The following STAB1 variants were observed in gnomAD, a reference collection of about 807,000 sequenced individuals.
STAB1 encodes stabilin 1.
Under a neutral mutation model 332.4 loss-of-function variants are expected in STAB1, and 250 were observed. That is an observed-to-expected ratio of 0.75 (90% CI 0.68 to 0.84). STAB1 has a LOEUF of 0.84. Among genes scored for constraint, STAB1 ranks in the 40% least tolerant of loss-of-function variants. The probability of loss-of-function intolerance (pLI) is 0.00; values close to 1 mark genes in which losing one functional copy is unlikely to be tolerated. For synonymous variants in STAB1, 1,475 were observed against 1,390.4 expected, an observed-to-expected ratio of 1.06 and a Z score of -1.35; for missense variants, 3,249 against 3,489.7, an observed-to-expected ratio of 0.93 and a Z score of 1.74.
Position 52,516,124 on chromosome 3 carries a change from G to A in STAB1, c.4030G>A (p.Gly1344Arg), listed in dbSNP as rs2078853732. 3.1e-6 allele frequency: 5 copies of A among 1,612,078 alleles called. No homozygotes were observed. The highest frequency in any genetic ancestry group is 4.2e-6 in the Non-Finnish European group (5 of 1,179,670). Reference protein sequence around the residue: ...GGLGGVCSGHGQCQDRFLGSG... With the variant: ...GGLGGVCSGHRQCQDRFLGSG... ...TCTAGGGGGGGTGTGCTCAGGCCATGGGCAGTGCCAGGACAGGTTCCTGGG... is the reference window on the plus strand; with the variant it reads ...TCTAGGGGGGGTGTGCTCAGGCCATAGGCAGTGCCAGGACAGGTTCCTGGG... Residue 1344 changes from glycine to arginine, a missense_variant, in exon 38 of 69, where the codon GGG becomes AGG. Physicochemically the swap from Gly to Arg is moderately radical, Grantham distance 125. Coordinates refer to ENST00000321725, the MANE Select transcript of STAB1 (RefSeq NM_015136.3).
chr3:52,505,103 T>C lies in STAB1; in HGVS notation c.1478T>C (p.Leu493Pro). 6.2e-7 allele frequency: 1 copy of C among 1,613,536 alleles called. No homozygotes were observed. The highest frequency in any genetic ancestry group is 8.5e-7 in the Non-Finnish European group (1 of 1,179,988). The change falls in exon 13 of 69, where the codon CTG becomes CCG. Residue 493 changes from leucine (L) to proline (P), a missense_variant. Transcript: ENST00000321725. ...ANGVFHVVTG[L>P]RWQAPSGTPG... ...GGCGTCTTCCACGTGGTCACTGGCC[T>C]GCGGTGGCAGGCCCCCTCTGGGACC...
chr3:52,515,152 C>T, intron 36 of STAB1, 107 bp downstream of exon 36: 1 of 1,411,846 alleles, frequency 7.1e-7, no homozygotes. Context: ...GCCCAGGCAT[C>T]CAGGCTCAGG....
At position 52,522,694 on chromosome 3, in the gene STAB1, TG is replaced by T. The variant is rs764760011; in HGVS notation, c.6744+10del. The T allele has an allele frequency of 6.2e-7, 1 of 1,612,938 alleles. No homozygotes were observed. The highest frequency in any genetic ancestry group is 8.5e-7 in the Non-Finnish European group (1 of 1,180,004). The stretch of plus-strand genomic sequence containing the variant: ...AGCTCTCTGCTGCCCAGCAGGTGTG[TG>T]GGGCCCAGAAGTTGGGGCCAAGTGT... On this transcript the variant is annotated splice_region_variant and intron_variant, in intron 61 of 68. Transcript: ENST00000321725.
chr3:52,511,743 C>A lies in STAB1; in HGVS notation c.2881C>A (p.Leu961Met). Residue 961 changes from leucine (L) to methionine (M), a missense_variant and splice_region_variant, in exon 26 of 69, where the codon CTG (leucine) becomes ATG (methionine). Transcript: ENST00000321725. ...GGCAGGCAATGGCGGCTGCCACGGC[C>A]TGGTAAGGGGGTGCAAGGCTCAGAG... ...CRAGNGGCHGLATCRAVGGGQ... is the reference protein window; with the variant it reads ...CRAGNGGCHGMATCRAVGGGQ... The A allele has an allele frequency of 1.3e-6, 2 of 1,584,754 alleles. No homozygotes were observed. The highest frequency in any genetic ancestry group is 1.1e-5 in the South Asian group (1 of 87,554).
At position 52,504,731 on chromosome 3, in the gene STAB1, G is replaced by A. The variant is rs573780905; in HGVS notation, c.1240-8G>A. On this transcript the variant is annotated splice_polypyrimidine_tract_variant and splice_region_variant and intron_variant, in intron 11 of 68. Coordinates refer to ENST00000321725, the MANE Select transcript of STAB1 (RefSeq NM_015136.3). The stretch of plus-strand genomic sequence containing the variant: ...CGGCTCACTTTGCTCCCCGCCTTGC[G>A]TCTGCAGGCATCCCTTGCCCAGCAG... The A allele has an allele frequency of 3.5e-5, 57 of 1,613,550 alleles. No individual in the cohort carries two copies. The highest frequency in any genetic ancestry group is 5.5e-5 in the South Asian group (5 of 91,090).
chr3:52,501,634 C>A lies in STAB1; in HGVS notation c.216-4C>A. On this transcript the variant is annotated splice_region_variant and splice_polypyrimidine_tract_variant and intron_variant, in intron 2 of 68. Coordinates refer to ENST00000321725, the MANE Select transcript of STAB1 (RefSeq NM_015136.3). ...CCATCACCCTGCCCACCCTCTGCCC[C>A]CAGCTACGAAGTACAGCTGGGGGGC... The A allele has an allele frequency of 6.4e-7, 1 of 1,554,076 alleles. No homozygotes were observed. Among genetic ancestry groups the A allele is most frequent in the Non-Finnish European group, 8.7e-7 (1 of 1,149,164 alleles).
chr3:52,523,389 C>T, intron 64 of STAB1, 38 bp from the exon 65 acceptor site: 1 of 1,609,338 alleles, frequency 6.2e-7, no homozygotes, highest in Non-Finnish European at 8.5e-7. Context: ...TGGCCATCTC[C>T]ATCTGGCCCA....
intron 13 of STAB1, 49 bp from the exon 14 acceptor site, chr3:52,505,270 A>G (rs758090834): frequency 7.5e-6 from 12 of 1,610,238 alleles, no homozygotes; most frequent in African/African-American, 2.7e-5. Flanking sequence ...GCTGGGCTGA[A>G]GCAGCCTCAC....
In STAB1 at chr3:52,514,220, C is replaced by G. The variant is rs749098681; in HGVS notation, c.3546+7C>G. 4 of 1,612,716 alleles carry G rather than the reference C, an allele frequency of 2.5e-6. No homozygotes were observed. Among genetic ancestry groups the G allele is most frequent in the African/African-American group, 1.3e-5 (1 of 74,904 alleles). ...GGGCAACAGCAGTCACCTGGTGAGG[C>G]CGTGGGGATGGGGCAATGGCAGGGA... On this transcript the variant is annotated splice_region_variant and intron_variant, in intron 33 of 68. Transcript: ENST00000321725.
intron 21 of STAB1, among the ~76,000 whole-genome samples, chr3:52,508,801 A>C (rs1037245196): frequency 2.0e-5 from 3 of 149,910 alleles, no homozygotes. Flanking sequence ...CAGCCTGGGC[A>C]ACAGAGTGAG....
intron 1 of STAB1, among the ~76,000 whole-genome samples, chr3:52,497,646 C>T (rs1046163043): frequency 8.5e-4 from 129 of 152,066 alleles, no homozygotes; most frequent in African/African-American, 2.9e-3. Flanking sequence ...CTCCTGATGT[C>T]AGGTGATCTA....
chr3:52,505,050 C>G lies in STAB1; in HGVS notation c.1425C>G (p.Ile475Met). 6.2e-7 allele frequency: 1 copy of G among 1,613,882 alleles called. No individual in the cohort carries two copies. Among genetic ancestry groups the G allele is most frequent in the Non-Finnish European group, 8.5e-7 (1 of 1,180,024 alleles). The change falls in exon 13 of 69, where the codon ATC (isoleucine) becomes ATG (methionine). Residue 475 changes from isoleucine (I) to methionine (M), a missense_variant. Coordinates refer to ENST00000321725, the MANE Select transcript of STAB1 (RefSeq NM_015136.3). ...YKDQPQQTFN[I>M]YKANNIAANG... Reference sequence around the variant, plus strand: ...ACCAGCCCCAGCAGACGTTCAACATCTACAAGGCCAACAACATAGCAGCTA... The same window carrying G: ...ACCAGCCCCAGCAGACGTTCAACATGTACAAGGCCAACAACATAGCAGCTA...
chr3:52,517,046 G>C lies in STAB1; in HGVS notation c.4426G>C (p.Ala1476Pro). ...CSPHANCTKVAPGQRTCTCQD... is the reference protein window; with the variant it reads ...CSPHANCTKVPPGQRTCTCQD... ...CCCTCATGCCAACTGTACCAAGGTGGCACCTGGGCAGCGGACATGCACCTG... is the reference window on the plus strand; with the variant it reads ...CCCTCATGCCAACTGTACCAAGGTGCCACCTGGGCAGCGGACATGCACCTG... The change falls in exon 42 of 69, where the codon GCA becomes CCA. Residue 1476 changes from alanine to proline, a missense_variant. Physicochemically the swap from Ala to Pro is conservative, Grantham distance 27. Coordinates refer to ENST00000321725, the MANE Select transcript of STAB1 (RefSeq NM_015136.3). 1 of 1,604,116 alleles carries C rather than the reference G, an allele frequency of 6.2e-7. No homozygotes were observed. The highest frequency in any genetic ancestry group is 1.1e-5 in the South Asian group (1 of 89,836).
At position 52,507,987 on chromosome 3, in the gene STAB1, A is replaced by G. The variant is rs1314819930; in HGVS notation, c.2109A>G (p.Leu703=). The G allele has an allele frequency of 1.9e-6, 3 of 1,613,602 alleles. No homozygotes were observed. The highest frequency in any genetic ancestry group is 2.5e-6 in the Non-Finnish European group (3 of 1,179,970). ...ATGACCCAACGGGGCTCAATGTGCT[A>G]AAGAAGGGCTGTGCCAGCTACTGCA... ...YIHDPTGLNV[L]KKGCASYCNQ... is the part of the protein sequence containing the mutation. The change falls in exon 20 of 69, where the codon CTA becomes CTG. Residue 703 remains leucine, a synonymous_variant. Transcript: ENST00000321725.
intron 1 of STAB1, among the ~76,000 whole-genome samples, chr3:52,498,378 G>A (rs115611637): frequency 5.9e-5 from 9 of 152,346 alleles, no homozygotes; most frequent in African/African-American, 2.2e-4. Context: ...CCACCCAGCT[G>A]GACCAACGGC....
In STAB1 at chr3:52,520,985, A is replaced by T; in HGVS notation, c.5888A>T (p.His1963Leu). ...TTWKPSCCPGHYGSECQACPG... is the reference protein window; with the variant it reads ...TTWKPSCCPGLYGSECQACPG... ...TGGAAGCCCAGCTGCTGCCCTGGTC[A>T]CTATGGCAGTGAGTGCCAAGGTGAG... is the stretch of plus-strand genomic sequence containing the variant. The change falls in exon 55 of 69, where the codon CAC becomes CTC. Residue 1963 changes from histidine (H) to leucine (L), a missense_variant. By Grantham distance (99) the His-to-Leu change is moderately conservative (BLOSUM62 -3). Transcript: ENST00000321725. 4 of 1,554,008 alleles carry T rather than the reference A, an allele frequency of 2.6e-6. No individual in the cohort carries two copies. Among genetic ancestry groups the T allele is most frequent in the Non-Finnish European group, 3.5e-6 (4 of 1,151,814 alleles).
intron 5 of STAB1, 93 bp from the exon 6 acceptor site, chr3:52,502,539 T>C: frequency 8.5e-7 from 1 of 1,177,022 alleles, no homozygotes; most frequent in African/African-American, 1.5e-5. Context: ...CTGCCCGAGC[T>C]GAGTTCTAAA....
At position 52,515,475 on chromosome 3, in the gene STAB1, G is replaced by T. The variant is rs781504534; in HGVS notation, c.3917G>T (p.Gly1306Val). The stretch of plus-strand genomic sequence containing the variant: ...CGATCTGGCTTCTCCTTCTCCCGGG[G>T]CTGCTCTTACACATGTGCCAAGAAG... ...VYRSGFSFSR[G>V]CSYTCAKKIQ... is the part of the protein sequence containing the mutation. Residue 1306 changes from glycine to valine, a missense_variant, in exon 37 of 69, where the codon GGC (glycine) becomes GTC (valine). Transcript: ENST00000321725. 6.2e-7 allele frequency: 1 copy of T among 1,613,472 alleles called. No homozygotes were observed. The highest frequency in any genetic ancestry group is 8.5e-7 in the Non-Finnish European group (1 of 1,180,024).
intron 35 of STAB1, 59 bp from the exon 36 acceptor site, chr3:52,514,930 G>A (rs1469485272): frequency 6.2e-7 from 1 of 1,612,414 alleles, no homozygotes; most frequent in African/African-American, 1.3e-5. Flanking sequence ...AGTCTGTCCT[G>A]GAGGAAGGGC....
Sources: gnomAD v4.1 joint callset for allele counts (sites outside exome capture counted in the v4.1 genomes callset) on GRCh38, gnomAD v4.1.1 for gene constraint, MANE v1.5 for transcripts, NCBI Gene and HGNC (gene_info 2026-07-23, HGNC 2026-07-21) for gene names.